Variants in BNC2 observed in about 807,000 individuals in gnomAD.
BNC2 encodes the protein basonuclin zinc finger protein 2.
In BNC2, 20 loss-of-function variants were observed where a neutral mutation model predicts 76.3. The ratio of observed to expected loss-of-function variants is 0.26; its 90% CI spans 0.18 to 0.38. The LOEUF (loss-of-function observed/expected upper bound fraction) is 0.38. BNC2 is among the 10% of genes least tolerant of loss of function. BNC2 has a pLI of 1.00. For synonymous variants in BNC2, 582 were observed against 514.8 expected (o/e 1.13, Z -1.77); for missense variants, 1,382 against 1,399.8 (o/e 0.99, Z 0.20).
chr9:16,771,692 TCA>T (rs1334626238), intron 1 of BNC2, among the ~76,000 whole-genome samples: 5 of 152,350 alleles, frequency 3.3e-5, no homozygotes, highest in African/African-American at 7.2e-5. Context: ...GTGTCACTAT[TCA>T]CAGTTACACT....
intron 5 of BNC2, among the ~76,000 whole-genome samples, chr9:16,469,992 C>CT (rs201134930): frequency 0.021 from 2,437 of 114,768 alleles, 96 homozygotes; most frequent in African/African-American, 0.04. Context: ...TAATGGCATT[C>CT]TTTTTTTTTT....
chr9:16,623,661 C>G (rs1249368278), intron 3 of BNC2, among the ~76,000 whole-genome samples: 1 of 152,092 alleles, frequency 6.6e-6, no homozygotes, highest in Non-Finnish European at 1.5e-5. Context: ...TTAAATATTC[C>G]TAATGCATAA....
chr9:16,857,205 C>G (rs907006237), intron 1 of BNC2, among the ~76,000 whole-genome samples: 5 of 152,040 alleles, frequency 3.3e-5, no homozygotes, highest in Admixed American at 6.6e-5. Flanking sequence ...AGGCCAGGCA[C>G]AGTGGCTCAC....
intron 3 of BNC2, among the ~76,000 whole-genome samples, chr9:16,664,657 G>A (rs1822212335): frequency 6.9e-6 from 1 of 145,166 alleles, no homozygotes; most frequent in Non-Finnish European, 1.5e-5. Flanking sequence ...AAAATGAAAG[G>A]AAAATAAAAG....
intron 1 of BNC2, among the ~76,000 whole-genome samples, chr9:16,813,796 G>C (rs1037337460): frequency 6.6e-5 from 10 of 152,082 alleles, no homozygotes; most frequent in Non-Finnish European, 8.8e-5. Context: ...TTTTTCACTT[G>C]GTTGGTTTTT....
chr9:16,465,344 G>A (rs1160606286), intron 5 of BNC2, among the ~76,000 whole-genome samples: 1 of 148,092 alleles, frequency 6.8e-6, no homozygotes, highest in Non-Finnish European at 1.5e-5. Context: ...GCTTAGGCAT[G>A]AGAATCGCTT....
Position 16,664,088 on chromosome 9 carries a change from G to C in BNC2, c.330+63709C>G, listed in dbSNP as rs192993087. ...CTTTATCCTGCTTCTCGAAATAATA[G>C]GCCTTTATTCCTCCTGTTTCCCAAT... On this transcript the variant is annotated intron_variant, in intron 3 of 6. Coordinates refer to ENST00000380672, the MANE Select transcript of BNC2 (RefSeq NM_017637.6). Among the ~76,000 whole-genome samples, 8 of 152,148 alleles carry C rather than the reference G, an allele frequency of 5.3e-5. No homozygotes were observed. In the East Asian group the frequency reaches 9.7e-4, roughly 18 times the overall value.
chr9:16,539,780 A>G (rs10962480), intron 5 of BNC2, among the ~76,000 whole-genome samples: 2 of 107,098 alleles, frequency 1.9e-5, no homozygotes, highest in African/African-American at 8.0e-5. Flanking sequence ...AAAGGAAAGG[A>G]AAGGAAAGGA....
chr9:16,473,603 G>A lies in BNC2; in HGVS notation c.670-36079C>T, dbSNP rs141336318. ...AAGATACGATGATGGGACCGGGCGT[G>A]GTGGCTCATGCGTAATCCCAGCACT... On this transcript the variant is annotated intron_variant, in intron 5 of 6. Coordinates refer to ENST00000380672, the MANE Select transcript of BNC2 (RefSeq NM_017637.6). 6.4e-3 allele frequency among the ~76,000 whole-genome samples: 979 copies of A among 152,208 alleles called. 6 individuals carry two copies. Among genetic ancestry groups the A allele is most frequent in the Admixed American group, 0.011 (173 of 15,282 alleles).
At chr9:16,516,310 G>C (rs554382637) in intron 5 of BNC2, among the ~76,000 whole-genome samples, 1 of 151,426 alleles carries the variant, frequency 6.6e-6, no homozygotes, top group South Asian at 2.1e-4. Context: ...TCAGGTATCA[G>C]AACTCTGAGA....
chr9:16,478,691 G>A (rs1162771367), intron 5 of BNC2, among the ~76,000 whole-genome samples: 3 of 119,384 alleles, frequency 2.5e-5, no homozygotes, highest in Non-Finnish European at 5.6e-5. Context: ...ATCACAGAAT[G>A]TACAGATGCT....
Position 16,491,442 on chromosome 9 carries a change from T to G in BNC2, c.670-53918A>C, listed in dbSNP as rs151312021. On this transcript the variant is annotated intron_variant, in intron 5 of 6. Coordinates refer to ENST00000380672, the MANE Select transcript of BNC2 (RefSeq NM_017637.6). ...TGACAAAACTTAAGAGGATCAGAGG[T>G]AAGGGTCAAAATAATTTTAAAAAAC... Among the ~76,000 whole-genome samples the G allele has an allele frequency of 2.5e-3, 379 of 152,154 alleles. 2 individuals carry two copies. Among genetic ancestry groups the G allele is most frequent in the African/African-American group, 8.4e-3 (347 of 41,518 alleles).
chr9:16,780,039 A>G (rs1479499116), intron 1 of BNC2, among the ~76,000 whole-genome samples: 4 of 151,566 alleles, frequency 2.6e-5, no homozygotes, highest in Non-Finnish European at 4.4e-5. Context: ...GATCGAGACC[A>G]TCCTGGCTAA....
intron 3 of BNC2, among the ~76,000 whole-genome samples, chr9:16,700,876 A>T (rs1823489716): frequency 6.6e-6 from 1 of 152,198 alleles, no homozygotes; most frequent in East Asian, 1.9e-4. Context: ...CTGAGACATG[A>T]GACTTTCTTG....
At chr9:16,867,197 T>C (rs936906641) in intron 1 of BNC2, among the ~76,000 whole-genome samples, 4 of 152,172 alleles carry the variant, frequency 2.6e-5, no homozygotes, top group Non-Finnish European at 4.4e-5. Flanking sequence ...AAAATCTACA[T>C]TTAAATGCAG....
chr9:16,765,622 C>T (rs553839089), intron 1 of BNC2, among the ~76,000 whole-genome samples: 149 of 152,178 alleles, frequency 9.8e-4, no homozygotes, highest in Middle Eastern at 3.4e-3. Flanking sequence ...AATTTTAAAA[C>T]CAACCCCAAA....
At chr9:16,432,218 T>C (rs1416218898) in intron 6 of BNC2, among the ~76,000 whole-genome samples, 2 of 152,208 alleles carry the variant, frequency 1.3e-5, no homozygotes, top group Non-Finnish European at 2.9e-5. Context: ...TAGAAAAGAA[T>C]AGCTTTGACA....
intron 1 of BNC2, among the ~76,000 whole-genome samples, chr9:16,802,288 C>T (rs921299475): frequency 1.3e-5 from 2 of 152,110 alleles, no homozygotes; most frequent in Non-Finnish European, 2.9e-5. Context: ...ACAAGATGCC[C>T]GAGCAAACTA....
chr9:16,636,172 C>A (rs1821319214), intron 3 of BNC2, among the ~76,000 whole-genome samples: 1 of 152,100 alleles, frequency 6.6e-6, no homozygotes, highest in East Asian at 1.9e-4. Flanking sequence ...TGTGAAATTA[C>A]ATTCGCATGT....
Sources: gnomAD v4.1 joint callset for allele counts (sites outside exome capture counted in the v4.1 genomes callset) on GRCh38, gnomAD v4.1.1 for gene constraint, MANE v1.5 for transcripts, NCBI Gene and HGNC (gene_info 2026-07-23, HGNC 2026-07-21) for gene names.